Variants in ABCC12 observed in about 807,000 individuals in gnomAD.
The protein encoded by ABCC12 is ATP-binding cassette sub-family C member 12.
In ABCC12, 142 loss-of-function variants were observed where a neutral mutation model predicts 151.1. That is an observed-to-expected ratio of 0.94 (90% CI 0.82 to 1.08). The LOEUF (loss-of-function observed/expected upper bound fraction) is 1.08, where lower values mean the gene tolerates loss of function less well. Ranked by LOEUF, ABCC12 falls within the 50% of genes least tolerant of loss-of-function variation. The probability of loss-of-function intolerance (pLI) is 0.00; values close to 1 mark genes in which losing one functional copy is unlikely to be tolerated. For missense variants in ABCC12, 1,638 were observed against 1,691.1 expected, an observed-to-expected ratio of 0.97 and a Z score of 0.55; for synonymous variants, 645 against 646.4, an observed-to-expected ratio of 1.00 and a Z score of 0.03.
intron 1 of ABCC12, among the ~76,000 whole-genome samples, chr16:48,154,364 TACC>T (rs887982433): frequency 2.6e-5 from 4 of 151,938 alleles, no homozygotes; most frequent in African/African-American, 9.7e-5. Context: ...AATGAGGAGA[TACC>T]ACATTAAAAA....
Position 48,100,945 on chromosome 16 carries a change from T to A in ABCC12, c.2965A>T (p.Thr989Ser), listed in dbSNP as rs6500305. ...VENVSRSPWF[T>S]HITSSMQGLG... is the part of the protein sequence containing the mutation. ...CCCTGCATGGAGGAGGTGATGTGGG[T>A]GAACCAGGGTGACCGGCTGACATTC... The change falls in exon 23 of 31, where the codon ACC becomes TCC. Residue 989 changes from threonine (T) to serine (S), a missense_variant. Thr to Ser is a moderately conservative substitution (Grantham distance 58). Coordinates refer to ENST00000311303, the MANE Select transcript of ABCC12 (RefSeq NM_001393797.1). 0.014 allele frequency: 22,972 copies of A among 1,614,074 alleles called. 2,811 individuals are homozygous for A. The African/African-American group carries it at 0.27, about 19-fold the overall frequency.
intron 1 of ABCC12, among the ~76,000 whole-genome samples, chr16:48,155,166 A>G (rs942477200): frequency 1.7e-4 from 26 of 152,126 alleles, no homozygotes; most frequent in Non-Finnish European, 3.5e-4. Context: ...GGACAGCACC[A>G]AGCTGGGGGT....
intron 18 of ABCC12, among the ~76,000 whole-genome samples, chr16:48,110,663 A>G (rs1963653873): frequency 6.6e-6 from 1 of 152,026 alleles, no homozygotes; most frequent in East Asian, 1.9e-4. Context: ...CTCAACCTCA[A>G]GCCCTCTACC....
rs16945895 is a variant in ABCC12 at position 48,146,209 on chromosome 16, G to A, written c.119+97C>T. The A allele has an allele frequency of 7.5e-3, 7,877 of 1,057,040 alleles. 373 individuals carry two copies. In the African/African-American group the frequency reaches 0.11, roughly 15 times the overall value. The allele number at this position is 1,057,040 out of a possible 1,614,324, so 65.5% of individuals were successfully genotyped here. A position where few individuals can be genotyped will look rare whatever the true frequency, so the allele number is the denominator to read the frequency against. On this transcript the variant is annotated intron_variant, in intron 3 of 30. Transcript: ENST00000311303. Reference sequence around the variant, plus strand: ...GGACGGACAAAAGGACGAGCAGATAGAGCAGCAGATGGGTTGCAGGAGCAG... The same window carrying A: ...GGACGGACAAAAGGACGAGCAGATAAAGCAGCAGATGGGTTGCAGGAGCAG...
chr16:48,088,649 T>G lies in ABCC12; in HGVS notation c.3371A>C (p.Asp1124Ala). Residue 1124 changes from aspartate to alanine, a missense_variant, in exon 26 of 31, where the codon GAC (aspartate) becomes GCC (alanine). By Grantham distance (126) the Asp-to-Ala change is moderately radical. Transcript: ENST00000311303. ...GTTGTCTCTGTATCTCATCTGATAG[T>G]CTCTGAAGGTGATCTCCCCACGGCT... Reference protein sequence around the residue: ...WPSRGEITFRDYQMRYRDNTP... With the variant: ...WPSRGEITFRAYQMRYRDNTP... The G allele has an allele frequency of 1.2e-6, 2 of 1,614,204 alleles. No individual in the cohort carries two copies. Among genetic ancestry groups the G allele is most frequent in the Non-Finnish European group, 1.7e-6 (2 of 1,180,036 alleles).
At position 48,088,752 on chromosome 16, in the gene ABCC12, C is replaced by T. The variant is rs371014808; in HGVS notation, c.3286-18G>A. The T allele has an allele frequency of 6.3e-7, 1 of 1,589,452 alleles. No individual in the cohort carries two copies. Among genetic ancestry groups the T allele is most frequent in the Non-Finnish European group, 8.6e-7 (1 of 1,166,722 alleles). ...ACACAGGTCTGTAAAGGAGAATAAC[C>T]AATGACCAGTGACTAGCCATTTGTT... On this transcript the variant is annotated intron_variant, in intron 25 of 30. Coordinates refer to ENST00000311303, the MANE Select transcript of ABCC12 (RefSeq NM_001393797.1).
intron 19 of ABCC12, among the ~76,000 whole-genome samples, chr16:48,107,975 C>T (rs556528103): frequency 1.4e-3 from 215 of 151,770 alleles, no homozygotes; most frequent in Non-Finnish European, 2.6e-3. Context: ...CACCATTGCA[C>T]TCCAGCCTGG....
chr16:48,099,707 T>G (rs181889475), intron 23 of ABCC12, among the ~76,000 whole-genome samples: 4 of 152,290 alleles, frequency 2.6e-5, no homozygotes, highest in Admixed American at 2.6e-4. Context: ...AAAATCCCCC[T>G]GGGTCCTCCT....
rs762026626 is a variant in ABCC12, at chr16:48,115,609, G to A, written c.1795C>T (p.Arg599Trp). The A allele has an allele frequency of 3.8e-5, 62 of 1,612,966 alleles. No homozygotes were observed. In the South Asian group the frequency reaches 4.9e-4, roughly 13 times the overall value. Residue 599 changes from arginine to tryptophan, a missense_variant, in exon 15 of 31, where the codon CGG becomes TGG. Arg to Trp is a moderately radical substitution (Grantham distance 101). Coordinates refer to ENST00000311303, the MANE Select transcript of ABCC12 (RefSeq NM_001393797.1). Reference sequence around the variant, plus strand: ...TGCCCCCCAGAGAGGTTGAGGCCCCGCTCCCCAATCTGTGGACAGGGACAA... The same window carrying A: ...TGCCCCCCAGAGAGGTTGAGGCCCCACTCCCCAATCTGTGGACAGGGACAA... The part of the protein sequence containing the change: ...PYGDLTEIGE[R>W]GLNLSGGQRQ...
Position 48,086,831 on chromosome 16 carries a change from G to A in ABCC12, c.3636-12C>T. The A allele has an allele frequency of 6.2e-7, 1 of 1,607,160 alleles. No individual in the cohort carries two copies. Among genetic ancestry groups the A allele is most frequent in the Non-Finnish European group, 8.5e-7 (1 of 1,173,986 alleles). On this transcript the variant is annotated splice_polypyrimidine_tract_variant and intron_variant, in intron 27 of 30. Transcript: ENST00000311303. Reference sequence around the variant, plus strand: ...GATCCAAGTTGTACCTGCAATGAAGGAGAGGAGAGGACAGGGAGCCAGATT... The same window carrying A: ...GATCCAAGTTGTACCTGCAATGAAGAAGAGGAGAGGACAGGGAGCCAGATT...
intron 2 of ABCC12, 126 bp from the exon 3 acceptor site, chr16:48,146,600 T>G: frequency 3.4e-6 from 2 of 594,482 alleles, no homozygotes; most frequent in Non-Finnish European, 6.0e-6. Flanking sequence ...CCAATGAGCT[T>G]TCCACATTTG....
In ABCC12 at chr16:48,115,560, C is replaced by G. The variant is rs547878738; in HGVS notation, c.1844G>C (p.Arg615Pro). Reference protein sequence around the residue: ...GGQRQRISLARAVYSDRQLYL... With the variant: ...GGQRQRISLAPAVYSDRQLYL... ...GAGCTGACGGTCGGAGTAGACAGCG[C>G]GGGCCAGGCTAATCCTCTGCCTCTG... The change falls in exon 15 of 31, where the codon CGC becomes CCC. Residue 615 changes from arginine (R) to proline (P), a missense_variant. By Grantham distance (103) the Arg-to-Pro change is moderately radical. Coordinates refer to ENST00000311303, the MANE Select transcript of ABCC12 (RefSeq NM_001393797.1). 2 of 1,614,166 alleles carry G rather than the reference C, an allele frequency of 1.2e-6. No homozygotes were observed. The highest frequency in any genetic ancestry group is 1.7e-6 in the Non-Finnish European group (2 of 1,180,014).
At chr16:48,147,797 T>C (rs1596633116) in intron 2 of ABCC12, among the ~76,000 whole-genome samples, 1 of 152,142 alleles carries the variant, frequency 6.6e-6, no homozygotes, top group South Asian at 2.1e-4. Flanking sequence ...TACAACAGAA[T>C]TTGAAAATCA....
intron 12 of ABCC12, 45 bp downstream of exon 12, chr16:48,124,168 G>A (rs1964162831): frequency 6.3e-7 from 1 of 1,589,984 alleles, no homozygotes; most frequent in Admixed American, 1.7e-5. Context: ...CCATTTCATT[G>A]TCATGTTAAT....
At chr16:48,096,657 G>T (rs916531292) in intron 24 of ABCC12, 89 bp downstream of exon 24, 2 of 1,371,640 alleles carry the variant, frequency 1.5e-6, no homozygotes, top group South Asian at 1.3e-5. Flanking sequence ...TCGAGTTGGG[G>T]TTTTTGTTGT....
Position 48,088,633 on chromosome 16 carries a change from G to A in ABCC12, c.3387C>T (p.Tyr1129=). The A allele has an allele frequency of 3.1e-6, 5 of 1,614,238 alleles. No individual in the cohort carries two copies. The highest frequency in any genetic ancestry group is 4.2e-6 in the Non-Finnish European group (5 of 1,180,042). The stretch of plus-strand genomic sequence containing the variant: ...CGAGAACAAGGGGGGTGTTGTCTCT[G>A]TATCTCATCTGATAGTCTCTGAAGG... The part of the protein sequence containing the change: ...EITFRDYQMR[Y]RDNTPLVLDS... The change falls in exon 26 of 31, where the codon TAC becomes TAT. Residue 1129 remains tyrosine, a synonymous_variant. Coordinates refer to ENST00000311303, the MANE Select transcript of ABCC12 (RefSeq NM_001393797.1).
chr16:48,107,187 C>T (rs1233522013), intron 20 of ABCC12, 135 bp downstream of exon 20: 13 of 837,224 alleles, frequency 1.6e-5, no homozygotes, highest in East Asian at 2.5e-5. Flanking sequence ...AAGCATCTGA[C>T]TCCCACTTCT....
intron 15 of ABCC12, among the ~76,000 whole-genome samples, chr16:48,112,899 T>A (rs1261699516): frequency 6.6e-6 from 1 of 152,176 alleles, no homozygotes; most frequent in Non-Finnish European, 1.5e-5. Context: ...CACTTCTGTT[T>A]TTTTTAATTT....
intron 27 of ABCC12, 60 bp from the exon 28 acceptor site, chr16:48,086,879 C>T (rs933990442): frequency 1.1e-5 from 16 of 1,427,886 alleles, no homozygotes; most frequent in Middle Eastern, 1.8e-4. Context: ...AGGATGGATG[C>T]GGAGCAGGTT....
Sources: allele counts gnomAD v4.1 joint callset (sites outside exome capture counted in the v4.1 genomes callset), GRCh38; gene constraint gnomAD v4.1.1; transcripts MANE v1.5; gene names NCBI Gene and HGNC (gene_info 2026-07-23, HGNC 2026-07-21).